Variants in NELL1 observed in about 807,000 individuals in gnomAD.
NELL1 encodes the protein protein kinase C-binding protein NELL1.
Under a neutral mutation model 107.4 loss-of-function variants are expected in NELL1, and 76 were observed. The ratio of observed to expected loss-of-function variants is 0.71; its 90% CI spans 0.59 to 0.86. The LOEUF (loss-of-function observed/expected upper bound fraction) is 0.86, where lower values mean the gene tolerates loss of function less well. NELL1 is among the 40% of genes least tolerant of loss of function. NELL1 has a pLI of 0.00. For missense variants in NELL1, 1,024 were observed against 1,005.5 expected (o/e 1.02, Z -0.25); for synonymous variants, 353 against 341.2 (o/e 1.03, Z -0.38).
At chr11:21,078,903 G>T (rs1854202215) in intron 12 of NELL1, among the ~76,000 whole-genome samples, 1 of 151,942 alleles carries the variant, frequency 6.6e-6, no homozygotes, top group African/African-American at 2.4e-5. Context: ...CTACAATATA[G>T]AATGTCAAAT....
chr11:21,167,117 G>A (rs192302290), intron 13 of NELL1, among the ~76,000 whole-genome samples: 23 of 151,902 alleles, frequency 1.5e-4, no homozygotes, highest in South Asian at 6.2e-4. Context: ...TTTTCAGAGC[G>A]GATTGACCTA....
intron 14 of NELL1, among the ~76,000 whole-genome samples, chr11:21,236,543 G>T (rs893610589): frequency 2.6e-5 from 4 of 152,088 alleles, no homozygotes; most frequent in African/African-American, 7.2e-5. Context: ...ATTGTCTGTT[G>T]CATACAGAAA....
intron 14 of NELL1, among the ~76,000 whole-genome samples, chr11:21,306,272 T>A (rs1417323982): frequency 3.9e-5 from 6 of 152,180 alleles, no homozygotes; most frequent in African/African-American, 1.4e-4. Context: ...GTCAATCTAC[T>A]GACATGACGG....
chr11:21,344,400 G>A (rs1299220646), intron 14 of NELL1, among the ~76,000 whole-genome samples: 1 of 152,124 alleles, frequency 6.6e-6, no homozygotes, highest in Non-Finnish European at 1.5e-5. Context: ...GAAATCTGGT[G>A]TAGAAGCTAT....
rs1056333621 is a variant in NELL1 at position 21,378,556 on chromosome 11, A to G, written c.1645+7608A>G. Reference sequence around the variant, plus strand: ...ACCCTCTCTCAATGGTGGAATAAACATGATTCTCCAACTCCACCCAAGGAA... The same window carrying G: ...ACCCTCTCTCAATGGTGGAATAAACGTGATTCTCCAACTCCACCCAAGGAA... On this transcript the variant is annotated intron_variant, in intron 15 of 19. Coordinates refer to ENST00000357134, the MANE Select transcript of NELL1 (RefSeq NM_006157.5). 7.2e-5 allele frequency among the ~76,000 whole-genome samples: 11 copies of G among 152,008 alleles called. No homozygotes were observed. In the East Asian group the frequency reaches 2.1e-3, roughly 30 times the overall value.
chr11:21,360,710 A>T (rs1464735474), intron 14 of NELL1, among the ~76,000 whole-genome samples: 3 of 151,900 alleles, frequency 2.0e-5, no homozygotes, highest in Non-Finnish European at 4.4e-5. Flanking sequence ...TTGATCCTTC[A>T]TCTTTATATA....
chr11:20,923,776 A>G (rs1239998360), intron 7 of NELL1, among the ~76,000 whole-genome samples: 1 of 152,202 alleles, frequency 6.6e-6, no homozygotes, highest in African/African-American at 2.4e-5. Flanking sequence ...GACATCTTTA[A>G]TTTTGAGACT....
At chr11:21,306,116 C>T (rs1230872626) in intron 14 of NELL1, among the ~76,000 whole-genome samples, 2 of 151,946 alleles carry the variant, frequency 1.3e-5, no homozygotes, top group Non-Finnish European at 2.9e-5. Context: ...AATGCCTGCT[C>T]ATGCCATTGG....
intron 15 of NELL1, among the ~76,000 whole-genome samples, chr11:21,505,536 G>A (rs578221978): frequency 3.1e-4 from 47 of 152,212 alleles, no homozygotes; most frequent in African/African-American, 9.4e-4. Flanking sequence ...TAAGCCCTGT[G>A]CTACAGCTAC....
At chr11:20,728,412 A>C (rs1855556677) in intron 2 of NELL1, among the ~76,000 whole-genome samples, 1 of 152,148 alleles carries the variant, frequency 6.6e-6, no homozygotes, top group Non-Finnish European at 1.5e-5. Flanking sequence ...GGTGTTTCCT[A>C]GGCTTTCTTC....
At chr11:21,367,630 C>G (rs149207727) in intron 14 of NELL1, among the ~76,000 whole-genome samples, 1 of 152,034 alleles carries the variant, frequency 6.6e-6, no homozygotes, top group Admixed American at 6.6e-5. Flanking sequence ...ACATCCAGTT[C>G]GTGAGCACAT....
At chr11:21,211,955 A>C (rs1857506803) in intron 13 of NELL1, among the ~76,000 whole-genome samples, 1 of 152,074 alleles carries the variant, frequency 6.6e-6, no homozygotes, top group African/African-American at 2.4e-5. Flanking sequence ...CTTCCTGAGT[A>C]GCTGAGATTA....
At chr11:20,903,082 T>C (rs959810669) in intron 5 of NELL1, among the ~76,000 whole-genome samples, 3 of 152,128 alleles carry the variant, frequency 2.0e-5, no homozygotes, top group African/African-American at 7.2e-5. Context: ...TATGTTGTTT[T>C]GTACATCATA....
intron 12 of NELL1, among the ~76,000 whole-genome samples, chr11:21,065,834 A>T (rs554906005): frequency 4.3e-4 from 65 of 152,334 alleles, no homozygotes; most frequent in African/African-American, 1.5e-3. Flanking sequence ...GAAAGAGGAA[A>T]TAGTTAAGAA....
intron 2 of NELL1, among the ~76,000 whole-genome samples, chr11:20,710,045 T>G (rs1190620959): frequency 2.0e-5 from 3 of 152,228 alleles, no homozygotes; most frequent in Non-Finnish European, 4.4e-5. Context: ...GTTTATTTCT[T>G]TCTCTTGTCT....
At chr11:21,555,979 T>TTA (rs1286222430) in intron 16 of NELL1, among the ~76,000 whole-genome samples, 1 of 151,962 alleles carries the variant, frequency 6.6e-6, no homozygotes, top group African/African-American at 2.4e-5. Context: ...ATTGTGCAGG[T>TTA]TAAAATTTCA....
Position 21,094,937 on chromosome 11 carries a change from TG to T in NELL1, c.1301-18651del, listed in dbSNP as rs199779611. Among the ~76,000 whole-genome samples the T allele has an allele frequency of 0.011, 1,679 of 152,372 alleles. 58 individuals are homozygous for T. In the South Asian group the frequency reaches 0.12, roughly 11 times the overall value. ...GCTCCTCATTACTTATGCAAATTTC[TG>T]CAGCTGGCTTGAATTTCTCTTCAGA... is the stretch of plus-strand genomic sequence containing the variant. On this transcript the variant is annotated intron_variant, in intron 12 of 19. Transcript: ENST00000357134.
Position 21,229,402 on chromosome 11 carries a change from A to T in NELL1, c.1497A>T (p.Gly499=), listed in dbSNP as rs774840619. The T allele has an allele frequency of 1.2e-6, 2 of 1,614,028 alleles. No homozygotes were observed. Among genetic ancestry groups the T allele is most frequent in the South Asian group, 2.2e-5 (2 of 91,088 alleles). ...CCATCTGCACCAACACTGTCCAGGGACACAGCTGCACCTGCAAACCGGGCT... is the reference window on the plus strand; with the variant it reads ...CCATCTGCACCAACACTGTCCAGGGTCACAGCTGCACCTGCAAACCGGGCT... ...ENAICTNTVQ[G]HSCTCKPGYV... The change falls in exon 14 of 20, where the codon GGA becomes GGT. Residue 499 remains glycine (G), a synonymous_variant. Transcript: ENST00000357134.
At chr11:20,687,699 C>T (rs1197204525) in intron 2 of NELL1, among the ~76,000 whole-genome samples, 2 of 151,898 alleles carry the variant, frequency 1.3e-5, no homozygotes, top group Non-Finnish European at 2.9e-5. Context: ...TCAAGCGATT[C>T]TCCTACCTCA....
Sources: gnomAD v4.1 joint callset for allele counts (sites outside exome capture counted in the v4.1 genomes callset) on GRCh38, gnomAD v4.1.1 for gene constraint, MANE v1.5 for transcripts, NCBI Gene and HGNC (gene_info 2026-07-23, HGNC 2026-07-21) for gene names.